MAF: variants seen among roughly 807,000 people sequenced by gnomAD.
MAF encodes MAF bZIP transcription factor.
Under a neutral mutation model 22.0 loss-of-function variants are expected in MAF, and 10 were observed. That is an observed-to-expected ratio of 0.45 (90% CI 0.28 to 0.77). The LOEUF (loss-of-function observed/expected upper bound fraction) is 0.77, where lower values mean the gene tolerates loss of function less well. Ranked by LOEUF, MAF falls within the 30% of genes least tolerant of loss-of-function variation. The pLI is 0.12. For synonymous variants in MAF, 337 were observed against 255.8 expected (o/e 1.32, Z -3.03); for missense variants, 544 against 548.4 (o/e 0.99, Z 0.08).
At chr16:79,443,681 C>G in the MAF span, among the ~76,000 whole-genome samples, 2 of 152,022 alleles carry the variant, frequency 1.3e-5, no homozygotes, top group Non-Finnish European at 2.9e-5. Flanking sequence ...GGGGAACCAG[C>G]TTTTACCTCC....
At chr16:79,502,708 AATATATATAT>A in the MAF span, among the ~76,000 whole-genome samples, 55 of 33,984 alleles carry the variant, frequency 1.6e-3, 1 homozygote, top group East Asian at 2.8e-3. Flanking sequence ...TATAAATATA[AATATATATAT>A]ATATATATAT....
chr16:79,527,854 T>C, the MAF span, among the ~76,000 whole-genome samples: 3 of 152,252 alleles, frequency 2.0e-5, no homozygotes, highest in Admixed American at 1.3e-4. Context: ...TTTTAAAGCA[T>C]GGAGTGGCTT....
the MAF span, among the ~76,000 whole-genome samples, chr16:79,473,946 T>C: frequency 1.1e-4 from 16 of 152,270 alleles, no homozygotes; most frequent in East Asian, 2.9e-3. Context: ...GGTTATGGTT[T>C]ATAAAGTGGT....
the MAF span, among the ~76,000 whole-genome samples, chr16:79,339,542 G>A: frequency 0.034 from 5,155 of 152,282 alleles, 278 homozygotes; most frequent in African/African-American, 0.12. Flanking sequence ...ACTCTTAGGG[G>A]AGAGAGATAG....
chr16:79,332,035 G>C, the MAF span, among the ~76,000 whole-genome samples: 5 of 152,128 alleles, frequency 3.3e-5, no homozygotes, highest in Admixed American at 3.3e-4. Flanking sequence ...TGCTCTAGGA[G>C]GGCAGAAACT....
the MAF span, among the ~76,000 whole-genome samples, chr16:79,384,289 T>C: frequency 6.7e-6 from 1 of 150,358 alleles, no homozygotes; most frequent in Non-Finnish European, 1.5e-5. Context: ...ACTAAAAACA[T>C]AACAAATTAG....
the MAF span, among the ~76,000 whole-genome samples, chr16:79,217,270 G>T: frequency 6.6e-6 from 1 of 152,218 alleles, no homozygotes; most frequent in Non-Finnish European, 1.5e-5. Flanking sequence ...GTCAGGATGT[G>T]AAGCCAGCTC....
At chr16:79,339,966 C>T in the MAF span, among the ~76,000 whole-genome samples, 9 of 152,148 alleles carry the variant, frequency 5.9e-5, no homozygotes, top group African/African-American at 2.2e-4. Context: ...ATCTACTCAC[C>T]GTCCTGGCAA....
At chr16:79,238,525 G>C in the MAF span, among the ~76,000 whole-genome samples, 2 of 151,988 alleles carry the variant, frequency 1.3e-5, no homozygotes, top group African/African-American at 4.8e-5. Context: ...TAGTGCTGTT[G>C]TTGCCAGACT....
At chr16:79,326,888 A>T in the MAF span, among the ~76,000 whole-genome samples, 1 of 152,208 alleles carries the variant, frequency 6.6e-6, no homozygotes, top group African/African-American at 2.4e-5. Context: ...TGAACAGGAA[A>T]TGAATAGATT....
the MAF span, among the ~76,000 whole-genome samples, chr16:79,224,350 G>C: frequency 6.6e-6 from 1 of 152,098 alleles, no homozygotes; most frequent in Non-Finnish European, 1.5e-5. Flanking sequence ...GGTATTGATG[G>C]AACGTATCTC....
At chr16:79,453,869 C>T in the MAF span, among the ~76,000 whole-genome samples, 1 of 152,136 alleles carries the variant, frequency 6.6e-6, no homozygotes, top group Non-Finnish European at 1.5e-5. Context: ...GGATTAAACA[C>T]ACTGAATGTA....
the MAF span, among the ~76,000 whole-genome samples, chr16:79,518,357 G>A: frequency 6.6e-6 from 1 of 152,232 alleles, no homozygotes; most frequent in African/African-American, 2.4e-5. Context: ...CATCTCAACA[G>A]TGAGCTCCCT....
chr16:79,399,983 CCACCATTTCAACTAA>C, the MAF span, among the ~76,000 whole-genome samples: 50,524 of 152,074 alleles, frequency 0.33, 9,378 homozygotes, highest in Non-Finnish European at 0.43. Context: ...ATAACCAAGA[CCACCATTTCAACTAA>C]AACCATAATT....
the MAF span, among the ~76,000 whole-genome samples, chr16:79,510,028 C>G: frequency 6.6e-6 from 1 of 152,166 alleles, no homozygotes; most frequent in Non-Finnish European, 1.5e-5. Flanking sequence ...CATGGCAGAA[C>G]AGTTACAAAG....
the MAF span, among the ~76,000 whole-genome samples, chr16:79,439,255 T>A: frequency 0.58 from 84,774 of 146,202 alleles, 25,423 homozygotes; most frequent in East Asian, 0.72. Context: ...GGTAGGTACT[T>A]ACTTTTTTTT....
the MAF span, among the ~76,000 whole-genome samples, chr16:79,419,229 C>G: frequency 1.3e-5 from 2 of 152,064 alleles, no homozygotes; most frequent in Non-Finnish European, 2.9e-5. Flanking sequence ...AGTTTTGGCT[C>G]CCAGCAGCCT....
the MAF span, among the ~76,000 whole-genome samples, chr16:79,227,352 C>CACAA: frequency 6.6e-6 from 1 of 152,044 alleles, no homozygotes; most frequent in Admixed American, 6.6e-5. Context: ...CCCTGTCTCA[C>CACAA]ACAAACAAAC....
At chr16:79,224,829 A>G in the MAF span, among the ~76,000 whole-genome samples, 1 of 152,222 alleles carries the variant, frequency 6.6e-6, no homozygotes, top group Non-Finnish European at 1.5e-5. Flanking sequence ...CTCTTCAAGG[A>G]GAACTACAAA....
Sources: gnomAD v4.1 joint callset for allele counts (sites outside exome capture counted in the v4.1 genomes callset) on GRCh38, gnomAD v4.1.1 for gene constraint, MANE v1.5 for transcripts, NCBI Gene and HGNC (gene_info 2026-07-23, HGNC 2026-07-21) for gene names.